Variants in LARGE1 observed in about 807,000 individuals in gnomAD.
LARGE1 encodes xylosyl- and glucuronyltransferase LARGE1.
LARGE1 carries 43 observed loss-of-function variants against 87.6 expected under a neutral mutation model. The observed-to-expected ratio is 0.49, with a 90% CI of 0.38 to 0.63. LARGE1 has a LOEUF of 0.63. Among genes scored for constraint, LARGE1 ranks in the 30% least tolerant of loss-of-function variants. The pLI is 0.00. For missense variants in LARGE1, 802 were observed against 1,000.2 expected, an observed-to-expected ratio of 0.80 and a Z score of 2.67; for synonymous variants, 434 against 394.6, an observed-to-expected ratio of 1.10 and a Z score of -1.18.
chr22:33,761,703 G>A lies in LARGE1; in HGVS notation c.-82-145C>T, dbSNP rs2084736661. ...ACCTTTCATCCCAAGAGATGATGCT[G>A]CCGTCTCGCAGTCTTCAAAACTGAG... On this transcript the variant is annotated intron_variant, in intron 1 of 14. Coordinates refer to ENST00000397394, the MANE Select transcript of LARGE1 (RefSeq NM_133642.5). 3 of 590,944 alleles carry A rather than the reference G, an allele frequency of 5.1e-6. No homozygotes were observed. The Admixed American group carries it at 8.8e-5, about 17-fold the overall frequency. 36.6% of individuals were successfully genotyped at this position (590,944 alleles called of 1,614,324 possible).
At chr22:33,800,367 CAATT>C (rs1310114975) in intron 1 of LARGE1, among the ~76,000 whole-genome samples, 2 of 152,194 alleles carry the variant, frequency 1.3e-5, no homozygotes, top group Admixed American at 1.3e-4. Flanking sequence ...CAGCAAGATA[CAATT>C]AATTAGACCA....
chr22:33,868,744 T>C (rs1296721881), intron 1 of LARGE1, among the ~76,000 whole-genome samples: 1 of 152,158 alleles, frequency 6.6e-6, no homozygotes, highest in Non-Finnish European at 1.5e-5. Flanking sequence ...CAACCAGAAA[T>C]CACCTATCAT....
intron 2 of LARGE1, among the ~76,000 whole-genome samples, chr22:33,685,652 A>G (rs1049848279): frequency 6.6e-6 from 1 of 152,204 alleles, no homozygotes; most frequent in Non-Finnish European, 1.5e-5. Flanking sequence ...GTCTGTGAAC[A>G]CTGCTCTATC....
intron 9 of LARGE1, among the ~76,000 whole-genome samples, chr22:33,377,588 C>A (rs1270701377): frequency 6.6e-6 from 1 of 152,124 alleles, no homozygotes; most frequent in Admixed American, 6.5e-5. Flanking sequence ...GCAGAAAATT[C>A]TCTTTGTTAT....
chr22:33,608,440 G>A (rs975152739), intron 4 of LARGE1, among the ~76,000 whole-genome samples: 5 of 152,008 alleles, frequency 3.3e-5, no homozygotes, highest in Non-Finnish European at 7.4e-5. Flanking sequence ...GCACTTCCTC[G>A]TGTCTTTCTT....
At chr22:33,209,354 T>G (rs1273184306) in intron 11 of LARGE1, among the ~76,000 whole-genome samples, 1 of 152,164 alleles carries the variant, frequency 6.6e-6, no homozygotes, top group Non-Finnish European at 1.5e-5. Flanking sequence ...CCTCCAACAT[T>G]AGAGCTCTTC....
chr22:33,432,595 T>TCATTCATTCACG (rs146169927), intron 6 of LARGE1, among the ~76,000 whole-genome samples: 116 of 147,236 alleles, frequency 7.9e-4, no homozygotes, highest in African/African-American at 2.8e-3. Flanking sequence ...ATTCATTCAT[T>TCATTCATTCACG]CATGCATGCA....
At chr22:33,347,851 C>A (rs533615373) in intron 9 of LARGE1, among the ~76,000 whole-genome samples, 2 of 152,106 alleles carry the variant, frequency 1.3e-5, no homozygotes, top group African/African-American at 4.8e-5. Context: ...AATATCAGGA[C>A]AGATGAAATG....
intron 7 of LARGE1, among the ~76,000 whole-genome samples, chr22:33,403,051 CA>C: frequency 1.5e-5 from 2 of 137,694 alleles, no homozygotes; most frequent in East Asian, 4.0e-4. Context: ...CTGTAAAAAA[CA>C]AAACAAACAA....
At chr22:33,092,723 G>A in the LARGE1 span, among the ~76,000 whole-genome samples, 2 of 151,672 alleles carry the variant, frequency 1.3e-5, no homozygotes, top group Non-Finnish European at 2.9e-5. Flanking sequence ...AACATGTGGT[G>A]TTTGGTTTTC....
intron 3 of LARGE1, 123 bp downstream of exon 3, chr22:33,650,244 C>T: frequency 8.1e-7 from 1 of 1,239,958 alleles, no homozygotes. Context: ...GACTTACACA[C>T]CCGGGCTAGA....
chr22:33,625,436 T>C (rs1221218775), intron 4 of LARGE1, among the ~76,000 whole-genome samples: 3 of 152,300 alleles, frequency 2.0e-5, no homozygotes, highest in East Asian at 1.9e-4. Context: ...CTTAGGATGA[T>C]GGTTCCCATG....
chr22:33,420,630 T>TC (rs1343442666), intron 7 of LARGE1, among the ~76,000 whole-genome samples: 1 of 152,054 alleles, frequency 6.6e-6, no homozygotes, highest in Non-Finnish European at 1.5e-5. Context: ...AGACAGTTTC[T>TC]CCCCCACAAT....
intron 10 of LARGE1, chr22:33,321,000 A>AGGACACT (rs1312271519): frequency 1.3e-5 from 2 of 152,258 alleles, no homozygotes; most frequent in Non-Finnish European, 2.9e-5. Context: ...ACAGTGGCTA[A>AGGACACT]GGACACTGGT....
Position 33,625,798 on chromosome 22 carries a change from G to T in LARGE1, c.491+446C>A, listed in dbSNP as rs1226042238. Among the ~76,000 whole-genome samples the T allele has an allele frequency of 2.6e-5, 4 of 152,096 alleles. No individual in the cohort carries two copies. The East Asian group carries it at 5.8e-4, about 22-fold the overall frequency. ...ATATTAGATTAGGGCCTACACTAAT[G>T]ACCCCATTTTAATCTAATTAAAGAC... On this transcript the variant is annotated intron_variant, in intron 4 of 14. Coordinates refer to ENST00000397394, the MANE Select transcript of LARGE1 (RefSeq NM_133642.5).
At chr22:33,365,775 T>C (rs150063618) in intron 9 of LARGE1, among the ~76,000 whole-genome samples, 2,695 of 152,058 alleles carry the variant, frequency 0.018, 79 homozygotes, top group African/African-American at 0.056. Context: ...CGCCACCACG[T>C]CTGGCTAATT....
chr22:33,112,123 T>G, the LARGE1 span, among the ~76,000 whole-genome samples: 7 of 152,214 alleles, frequency 4.6e-5, no homozygotes, highest in African/African-American at 1.7e-4. Context: ...TTACTGTGCC[T>G]GTGTAGAGAA....
intron 2 of LARGE1, among the ~76,000 whole-genome samples, chr22:33,689,389 G>T (rs1020953605): frequency 2.0e-4 from 31 of 152,142 alleles, no homozygotes; most frequent in African/African-American, 6.8e-4. Context: ...GCTTGGTTTG[G>T]CCAATATCGT....
intron 2 of LARGE1, among the ~76,000 whole-genome samples, chr22:33,706,285 C>T (rs747629242): frequency 4.6e-5 from 7 of 152,134 alleles, no homozygotes; most frequent in Non-Finnish European, 8.8e-5. Context: ...TCAGCCCACA[C>T]CCCCACACAA....
Sources: gnomAD v4.1 joint callset for allele counts (sites outside exome capture counted in the v4.1 genomes callset) on GRCh38, gnomAD v4.1.1 for gene constraint, MANE v1.5 for transcripts, NCBI Gene and HGNC (gene_info 2026-07-23, HGNC 2026-07-21) for gene names.